SORCS1: variants seen among roughly 807,000 people sequenced by gnomAD.
SORCS1 encodes the protein sortilin related VPS10 domain containing receptor 1.
In SORCS1, 60 loss-of-function variants were observed where a neutral mutation model predicts 146.1. The ratio of observed to expected loss-of-function variants is 0.41; its 90% confidence interval spans 0.33 to 0.51. The LOEUF (loss-of-function observed/expected upper bound fraction) is 0.51, where lower values mean the gene tolerates loss of function less well. Ranked by LOEUF, SORCS1 falls within the 20% of genes least tolerant of loss-of-function variation. The pLI is 0.21. For missense variants in SORCS1, 1,352 were observed against 1,487.6 expected, an observed-to-expected ratio of 0.91 and a Z score of 1.50; for synonymous variants, 637 against 584.0, an observed-to-expected ratio of 1.09 and a Z score of -1.31.
intron 3 of SORCS1, among the ~76,000 whole-genome samples, chr10:106,798,059 G>A (rs1946666113): frequency 6.6e-6 from 1 of 152,140 alleles, no homozygotes; most frequent in Non-Finnish European, 1.5e-5. Flanking sequence ...GGTACCTGGT[G>A]GAAGGTAATT....
chr10:106,842,606 T>C (rs1383643972), intron 2 of SORCS1, among the ~76,000 whole-genome samples: 1 of 152,084 alleles, frequency 6.6e-6, no homozygotes, highest in Non-Finnish European at 1.5e-5. Context: ...AATTTCTTAA[T>C]GTTGAGTTTT....
intron 18 of SORCS1, among the ~76,000 whole-genome samples, chr10:106,633,805 A>G (rs989722799): frequency 1.3e-5 from 2 of 152,086 alleles, no homozygotes; most frequent in Non-Finnish European, 2.9e-5. Context: ...TAGGAGTTTT[A>G]TTTCTTAATC....
chr10:106,689,264 G>T (rs1447459289), intron 9 of SORCS1, among the ~76,000 whole-genome samples: 1 of 152,108 alleles, frequency 6.6e-6, no homozygotes, highest in Non-Finnish European at 1.5e-5. Context: ...TTGTGTTTTG[G>T]AGTTTATCAA....
intron 1 of SORCS1, among the ~76,000 whole-genome samples, chr10:107,057,166 C>T (rs184744710): frequency 2.6e-4 from 39 of 152,282 alleles, no homozygotes; most frequent in Non-Finnish European, 5.9e-5. Context: ...GAGATCAGCA[C>T]TGTTGATTCT....
chr10:106,799,735 G>T (rs1048252597), intron 3 of SORCS1, among the ~76,000 whole-genome samples: 7 of 152,152 alleles, frequency 4.6e-5, no homozygotes, highest in Non-Finnish European at 1.5e-5. Context: ...GAAACAACAC[G>T]TGCTGGAGAG....
chr10:106,623,053 C>CTTCT (rs2133519723), intron 19 of SORCS1, among the ~76,000 whole-genome samples: 1 of 152,272 alleles, frequency 6.6e-6, no homozygotes, highest in East Asian at 1.9e-4. Flanking sequence ...AGGGCCTTTG[C>CTTCT]TTCTACACAC....
chr10:107,035,370 T>C (rs1241018713), intron 1 of SORCS1, among the ~76,000 whole-genome samples: 1 of 151,786 alleles, frequency 6.6e-6, no homozygotes, highest in Admixed American at 6.6e-5. Context: ...GTGCTTCTCA[T>C]CAAGAATGTG....
In SORCS1 at chr10:106,746,162, G is replaced by A. The variant is rs533711507; in HGVS notation, c.959+15426C>T. 2.6e-3 allele frequency among the ~76,000 whole-genome samples: 393 copies of A among 152,168 alleles called. 5 individuals are homozygous for A. The highest frequency in any genetic ancestry group is 8.9e-3 in the African/African-American group (368 of 41,528). ...ACCCTGGGTCAGGAAAAAAAAAAGC[G>A]GGGGATATTAGTAGAAAATCTGGAG... On this transcript the variant is annotated intron_variant, in intron 5 of 25. Coordinates refer to ENST00000263054, the MANE Select transcript of SORCS1 (RefSeq NM_052918.5).
At chr10:106,782,199 CT>C (rs1860948322) in intron 3 of SORCS1, among the ~76,000 whole-genome samples, 1 of 152,104 alleles carries the variant, frequency 6.6e-6, no homozygotes, top group Non-Finnish European at 1.5e-5. Flanking sequence ...TTATTCTGTC[CT>C]TTTGATTTCA....
intron 1 of SORCS1, among the ~76,000 whole-genome samples, chr10:107,083,110 C>CAA (rs538577059): frequency 1.9e-3 from 114 of 60,030 alleles, no homozygotes; most frequent in Non-Finnish European, 2.1e-3. Flanking sequence ...CTCCAACTCA[C>CAA]AAAAAAAAAA....
At chr10:106,996,156 T>TG (rs1016123916) in intron 1 of SORCS1, among the ~76,000 whole-genome samples, 14 of 146,336 alleles carry the variant, frequency 9.6e-5, no homozygotes, top group African/African-American at 3.6e-4. Context: ...CTGCTTGAAC[T>TG]GGGGAGGCTG....
intron 6 of SORCS1, among the ~76,000 whole-genome samples, chr10:106,725,933 G>GA (rs58266957): frequency 4.4e-5 from 6 of 135,390 alleles, no homozygotes; most frequent in African/African-American, 1.7e-4. Flanking sequence ...TCTGTCTCAG[G>GA]AAAAAAAAAA....
chr10:106,677,111 T>G (rs537747612), intron 13 of SORCS1, among the ~76,000 whole-genome samples: 1 of 152,308 alleles, frequency 6.6e-6, no homozygotes, highest in Admixed American at 6.5e-5. Context: ...AGCACCCACT[T>G]AAAGCTTTCT....
chr10:107,137,361 A>G (rs1967395220), intron 1 of SORCS1, among the ~76,000 whole-genome samples: 1 of 152,144 alleles, frequency 6.6e-6, no homozygotes, highest in Non-Finnish European at 1.5e-5. Flanking sequence ...CATATAGTAT[A>G]CCATTCTTTC....
At chr10:106,582,246 T>C (rs1434229941) in intron 24 of SORCS1, among the ~76,000 whole-genome samples, 1 of 152,206 alleles carries the variant, frequency 6.6e-6, no homozygotes, top group Non-Finnish European at 1.5e-5. Context: ...ACTTAAATCA[T>C]CATTCTTCAA....
chr10:107,179,074 C>A, the SORCS1 span, among the ~76,000 whole-genome samples: 2 of 152,190 alleles, frequency 1.3e-5, no homozygotes, highest in South Asian at 4.2e-4. Flanking sequence ...ACTTTACATC[C>A]CACCTACAGC....
chr10:106,665,867 C>A (rs1267376464), intron 17 of SORCS1, among the ~76,000 whole-genome samples: 2 of 152,070 alleles, frequency 1.3e-5, no homozygotes, highest in African/African-American at 4.8e-5. Context: ...GAGACAGAGT[C>A]TCACTCTGCC....
intron 2 of SORCS1, among the ~76,000 whole-genome samples, chr10:106,940,238 T>C (rs1953965586): frequency 6.6e-6 from 1 of 152,190 alleles, no homozygotes. Flanking sequence ...TGTTAACCAT[T>C]GATTACTTGT....
rs531790868 is a variant in SORCS1 at position 106,838,603 on chromosome 10, C to T, written c.627-8930G>A. Reference sequence around the variant, plus strand: ...CTCTTCCTATTGATTCTTCCTATTCCCCTAACCCATACTAACCACTGATCC... The same window carrying T: ...CTCTTCCTATTGATTCTTCCTATTCTCCTAACCCATACTAACCACTGATCC... On this transcript the variant is annotated intron_variant, in intron 2 of 25. Transcript: ENST00000263054. Among the ~76,000 whole-genome samples the T allele has an allele frequency of 4.4e-4, 67 of 152,272 alleles. 1 individual carries two copies. The South Asian group carries it at 0.013, about 31-fold the overall frequency.
Sources: allele counts gnomAD v4.1 joint callset (sites outside exome capture counted in the v4.1 genomes callset), GRCh38; gene constraint gnomAD v4.1.1; transcripts MANE v1.5; gene names NCBI Gene and HGNC (gene_info 2026-07-23, HGNC 2026-07-21).